EPHA6: variants seen among roughly 807,000 people sequenced by gnomAD.
EPHA6 encodes EPH receptor A6, also known as ephrin type-A receptor 6.
A neutral mutation model predicts 112.0 loss-of-function variants in EPHA6; 50 were observed. The ratio of observed to expected loss-of-function variants is 0.45; its 90% CI spans 0.36 to 0.56. The LOEUF is 0.56. Among genes scored for constraint, EPHA6 ranks in the 20% least tolerant of loss-of-function variants. EPHA6 has a pLI of 0.00. For missense variants in EPHA6, 1,280 were observed against 1,417.4 expected (o/e 0.90, Z 1.56); for synonymous variants, 529 against 490.7 (o/e 1.08, Z -1.03).
chr3:97,459,347 G>A (rs1284086100), intron 7 of EPHA6, among the ~76,000 whole-genome samples: 1 of 152,140 alleles, frequency 6.6e-6, no homozygotes, highest in Admixed American at 6.5e-5. Context: ...CAGAAACTCT[G>A]GGGGTGGGAC....
intron 5 of EPHA6, among the ~76,000 whole-genome samples, chr3:97,336,999 C>T (rs767892205): frequency 1.3e-5 from 2 of 151,404 alleles, no homozygotes; most frequent in African/African-American, 2.4e-5. Context: ...AGTAAAAAAT[C>T]GATATTTCAT....
chr3:97,516,919 C>A (rs1181971075), intron 10 of EPHA6, among the ~76,000 whole-genome samples: 1 of 152,036 alleles, frequency 6.6e-6, no homozygotes, highest in East Asian at 1.9e-4. Flanking sequence ...TCATTTATTT[C>A]ATTCATGCAA....
At chr3:97,242,853 T>C (rs1299623720) in intron 4 of EPHA6, among the ~76,000 whole-genome samples, 2 of 151,904 alleles carry the variant, frequency 1.3e-5, no homozygotes, top group East Asian at 3.9e-4. Context: ...GTGACTGTTG[T>C]TTCAACAGTC....
At chr3:96,970,758 C>A (rs949396589) in intron 2 of EPHA6, among the ~76,000 whole-genome samples, 1 of 152,076 alleles carries the variant, frequency 6.6e-6, no homozygotes, top group Non-Finnish European at 1.5e-5. Context: ...TCAAAGCCTT[C>A]ATGTGGTCCA....
At chr3:96,856,472 A>G (rs2107401900) in intron 1 of EPHA6, among the ~76,000 whole-genome samples, 2 of 152,278 alleles carry the variant, frequency 1.3e-5, no homozygotes, top group East Asian at 3.9e-4. Flanking sequence ...AGATAGAACT[A>G]TTTTTCTTTC....
intron 5 of EPHA6, among the ~76,000 whole-genome samples, chr3:97,327,493 T>TTG (rs751327418): frequency 1.4e-4 from 21 of 151,396 alleles, no homozygotes; most frequent in African/African-American, 4.6e-4. Context: ...GTGTGTGTGT[T>TTG]TGTGTGTGTG....
chr3:97,557,723 C>A (rs1168711265), intron 11 of EPHA6, among the ~76,000 whole-genome samples: 1 of 151,814 alleles, frequency 6.6e-6, no homozygotes, highest in Non-Finnish European at 1.5e-5. Flanking sequence ...GCTAGATATG[C>A]TGAATCTATC....
chr3:97,177,223 A>G (rs1034815081), intron 3 of EPHA6, among the ~76,000 whole-genome samples: 2 of 151,900 alleles, frequency 1.3e-5, no homozygotes, highest in African/African-American at 2.4e-5. Context: ...GTTATATTAC[A>G]TTGTGGTCAG....
Position 96,814,597 on chromosome 3 carries a change from C to G in EPHA6, c.-27C>G, listed in dbSNP as rs914749677. ...GCTCTCTCCGGCCCAAGTGAATAGTCCTCGCGCAAGCGGGACACTGTGGTG... is the reference window on the plus strand; with the variant it reads ...GCTCTCTCCGGCCCAAGTGAATAGTGCTCGCGCAAGCGGGACACTGTGGTG... On this transcript the variant is annotated 5_prime_UTR_variant, in exon 1 of 18. Transcript: ENST00000389672. 12 of 1,308,512 alleles carry G rather than the reference C, an allele frequency of 9.2e-6. No individual in the cohort carries two copies. The highest frequency in any genetic ancestry group is 1.1e-5 in the Non-Finnish European group (11 of 1,018,208). 81.1% of individuals were successfully genotyped at this position (1,308,512 alleles called of 1,614,324 possible).
chr3:97,394,267 A>G (rs887134049), intron 5 of EPHA6, among the ~76,000 whole-genome samples: 1 of 151,896 alleles, frequency 6.6e-6, no homozygotes, highest in Non-Finnish European at 1.5e-5. Flanking sequence ...TAATAAAGTC[A>G]ACTTAAAATG....
At chr3:97,207,378 C>T (rs2077741499) in intron 3 of EPHA6, among the ~76,000 whole-genome samples, 1 of 152,114 alleles carries the variant, frequency 6.6e-6, no homozygotes, top group Admixed American at 6.6e-5. Context: ...AGTGCCCATA[C>T]TCTGATGTTA....
At chr3:97,232,131 C>T (rs981523110) in intron 4 of EPHA6, among the ~76,000 whole-genome samples, 3 of 152,058 alleles carry the variant, frequency 2.0e-5, no homozygotes, top group African/African-American at 7.2e-5. Flanking sequence ...TTTTCTGAAC[C>T]CCAAAAGCAT....
chr3:96,913,275 T>A (rs947727257), intron 2 of EPHA6, among the ~76,000 whole-genome samples: 2 of 149,040 alleles, frequency 1.3e-5, no homozygotes, highest in African/African-American at 5.0e-5. Context: ...GAGGCTAAGG[T>A]GGGAGGATTG....
intron 5 of EPHA6, among the ~76,000 whole-genome samples, chr3:97,288,112 G>C (rs368878809): frequency 3.6e-4 from 55 of 152,032 alleles, no homozygotes; most frequent in African/African-American, 1.3e-3. Context: ...CAATGCAAGA[G>C]TACATGTGCA....
At chr3:97,518,992 T>G (rs551807851) in intron 10 of EPHA6, among the ~76,000 whole-genome samples, 2 of 152,288 alleles carry the variant, frequency 1.3e-5, no homozygotes, top group African/African-American at 4.8e-5. Flanking sequence ...GCAGAGCTTT[T>G]TATTTTAAAT....
chr3:97,725,438 T>G (rs1486454), intron 15 of EPHA6, among the ~76,000 whole-genome samples: 149,352 of 152,220 alleles, frequency 0.98, 73,291 homozygotes, highest in East Asian at 0.99. Flanking sequence ...TAATTACCTC[T>G]AGTGAGGGAG....
At chr3:97,569,755 T>A (rs1412557271) in intron 11 of EPHA6, among the ~76,000 whole-genome samples, 2 of 152,240 alleles carry the variant, frequency 1.3e-5, no homozygotes, top group Non-Finnish European at 2.9e-5. Flanking sequence ...AACTCTGAGC[T>A]TAAATTATGA....
chr3:97,339,149 A>G (rs2083192777), intron 5 of EPHA6, among the ~76,000 whole-genome samples: 1 of 152,184 alleles, frequency 6.6e-6, no homozygotes, highest in African/African-American at 2.4e-5. Context: ...CCACTTAGTC[A>G]AGGGAATGGA....
intron 14 of EPHA6, chr3:97,646,046 T>C (rs2094058815): frequency 3.4e-6 from 4 of 1,168,556 alleles, no homozygotes; most frequent in Middle Eastern, 2.6e-4. Flanking sequence ...GTATGCTACA[T>C]GGAAGCTATC....
Sources: allele counts gnomAD v4.1 joint callset (sites outside exome capture counted in the v4.1 genomes callset), GRCh38; gene constraint gnomAD v4.1.1; transcripts MANE v1.5; gene names NCBI Gene and HGNC (gene_info 2026-07-23, HGNC 2026-07-21).